The following AMOT variants were observed in gnomAD, a reference collection of about 807,000 sequenced individuals.
AMOT encodes the protein angiomotin.
A neutral mutation model predicts 67.0 loss-of-function variants in AMOT; 11 were observed. That is an observed-to-expected ratio of 0.16 (90% confidence interval 0.10 to 0.27). The LOEUF (loss-of-function observed/expected upper bound fraction) is 0.27. AMOT is among the 10% of genes least tolerant of loss of function. AMOT has a pLI of 1.00. For synonymous variants in AMOT, 326 were observed against 321.4 expected, an observed-to-expected ratio of 1.01 and a Z score of -0.15; for missense variants, 753 against 852.0, an observed-to-expected ratio of 0.88 and a Z score of 1.45.
rs1932965318 is a variant in AMOT at position 112,777,337 on chromosome X, A to G, written c.*1230T>C. The G allele has an allele frequency of 9.0e-6, 1 of 111,515 alleles. No homozygotes were observed. Among genetic ancestry groups the G allele is most frequent in the African/African-American group, 3.3e-5 (1 of 30,653 alleles). 9.2% of individuals were successfully genotyped at this position (111,515 alleles called of 1,213,427 possible). ...ATTGCCTCCTTTGATCTCTACCCACATGCACATTTCCTGCTGCTTCCCAAA... is the reference window on the plus strand; with the variant it reads ...ATTGCCTCCTTTGATCTCTACCCACGTGCACATTTCCTGCTGCTTCCCAAA... On this transcript the variant is annotated 3_prime_UTR_variant, in exon 14 of 14. Coordinates refer to ENST00000371959, the MANE Select transcript of AMOT (RefSeq NM_001113490.2).
At chrX:112,809,044 T>C (rs1415899723) in intron 7 of AMOT, among the ~76,000 whole-genome samples, 3 of 111,592 alleles carry the variant, frequency 2.7e-5, no homozygotes, top group African/African-American at 9.8e-5. Context: ...TTTGGAGACC[T>C]AGCAAAGATG....
chrX:112,778,800 CTAA>C, intron 13 of AMOT, 136 bp from the exon 14 acceptor site: 1 of 703,250 alleles, frequency 1.4e-6, no homozygotes, highest in Non-Finnish European at 2.1e-6. Flanking sequence ...TTTACTTCTG[CTAA>C]GATAATGGCC....
In AMOT at chrX:112,810,330, T is replaced by A. The variant is rs760715432; in HGVS notation, c.1538-344A>T. On this transcript the variant is annotated intron_variant, in intron 6 of 13. Transcript: ENST00000371959. ...AGTTATTATAAAGTATTTAAACTCATGTAATGTCAAAGTTGAAAGGGACAA... is the reference window on the plus strand; with the variant it reads ...AGTTATTATAAAGTATTTAAACTCAAGTAATGTCAAAGTTGAAAGGGACAA... 2.7e-5 allele frequency among the ~76,000 whole-genome samples: 3 copies of A among 112,126 alleles called. No homozygotes were observed. In the South Asian group the frequency reaches 1.1e-3, roughly 42 times the overall value.
chrX:112,784,852 T>G (rs1474251664), intron 10 of AMOT, among the ~76,000 whole-genome samples: 1 of 112,053 alleles, frequency 8.9e-6, no homozygotes, highest in Non-Finnish European at 1.9e-5. Context: ...ATACGGTTTG[T>G]CACTGGGGGA....
chrX:112,799,275 AT>A (rs770152564), intron 8 of AMOT, among the ~76,000 whole-genome samples: 22 of 112,440 alleles, frequency 2.0e-4, no homozygotes, highest in African/African-American at 7.1e-4. Flanking sequence ...ATCTGTAAAT[AT>A]TTTTAATGTT....
intron 2 of AMOT, among the ~76,000 whole-genome samples, chrX:112,827,980 TG>T (rs974860867): frequency 1.8e-5 from 2 of 111,419 alleles, no homozygotes; most frequent in Non-Finnish European, 3.8e-5. Flanking sequence ...CCCAGATAAA[TG>T]GAAGGGGGCC....
intron 1 of AMOT, among the ~76,000 whole-genome samples, chrX:112,834,142 C>G (rs183571361): frequency 2.7e-5 from 3 of 112,024 alleles, no homozygotes; most frequent in Non-Finnish European, 5.6e-5. Context: ...CAGGCCACTA[C>G]ATTTTCTGAT....
intron 2 of AMOT, among the ~76,000 whole-genome samples, chrX:112,829,011 T>C (rs2147828884): frequency 8.9e-6 from 1 of 111,970 alleles, no homozygotes; most frequent in Non-Finnish European, 1.9e-5. Context: ...GGCTAAGATG[T>C]GAGGTGGATT....
chrX:112,834,166 T>C (rs1372841870), intron 1 of AMOT, among the ~76,000 whole-genome samples: 1 of 112,052 alleles, frequency 8.9e-6, no homozygotes, highest in Non-Finnish European at 1.9e-5. Flanking sequence ...AGCAATCCCC[T>C]TCCCACAAAT....
chrX:112,837,109 T>C (rs1935150520), intron 1 of AMOT, among the ~76,000 whole-genome samples: 1 of 111,931 alleles, frequency 8.9e-6, no homozygotes, highest in African/African-American at 3.3e-5. Flanking sequence ...ATGGGGTGGA[T>C]AGTCTCATCC....
chrX:112,811,373 G>C lies in AMOT; in HGVS notation c.1413C>G (p.Arg471=). 1.7e-6 allele frequency: 2 copies of C among 1,206,584 alleles called. No individual in the cohort carries two copies. Among genetic ancestry groups the C allele is most frequent in the African/African-American group, 3.5e-5 (2 of 57,468 alleles). ...RLQKVETEIQ[R]VSEAYENLVK... ...CGAGGTTCTCATATGCCTCCGAGAC[G>C]CGCTGGATTTCTGTCTCCACCTTAA... Residue 471 remains arginine, a synonymous_variant, in exon 6 of 14, where the codon CGC becomes CGG. Coordinates refer to ENST00000371959, the MANE Select transcript of AMOT (RefSeq NM_001113490.2).
intron 1 of AMOT, among the ~76,000 whole-genome samples, chrX:112,834,214 A>G (rs1935075536): frequency 9.0e-6 from 1 of 111,654 alleles, no homozygotes; most frequent in Non-Finnish European, 1.9e-5. Context: ...CCTTTCAATT[A>G]TGTGGTTTCT....
At chrX:112,828,758 C>T (rs1427270838) in intron 2 of AMOT, among the ~76,000 whole-genome samples, 3 of 111,467 alleles carry the variant, frequency 2.7e-5, no homozygotes, top group Non-Finnish European at 5.7e-5. Context: ...AGGGCAAGAG[C>T]CCTTCCACTA....
chrX:112,809,544 G>C (rs1934290190), intron 7 of AMOT, among the ~76,000 whole-genome samples: 1 of 111,339 alleles, frequency 9.0e-6, no homozygotes, highest in African/African-American at 3.3e-5. Context: ...CTCTACCAGA[G>C]CCAACACACA....
intron 5 of AMOT, 95 bp downstream of exon 5, chrX:112,815,263 G>A: frequency 9.5e-7 from 1 of 1,047,675 alleles, no homozygotes; most frequent in Non-Finnish European, 1.3e-6. Context: ...CACAAGTAAT[G>A]CTGGGATTCA....
intron 8 of AMOT, among the ~76,000 whole-genome samples, chrX:112,803,759 G>A (rs1056822192): frequency 1.1e-4 from 12 of 112,554 alleles, no homozygotes; most frequent in African/African-American, 3.9e-4. Flanking sequence ...AGCAAGCAAT[G>A]AATGAAGGCA....
chrX:112,802,753 T>C (rs1202966192), intron 8 of AMOT, among the ~76,000 whole-genome samples: 2 of 112,384 alleles, frequency 1.8e-5, no homozygotes, highest in African/African-American at 3.2e-5. Context: ...CATACATATT[T>C]TGGGGAGGGC....
At chrX:112,792,016 A>G in intron 8 of AMOT, 35 bp from the exon 9 acceptor site, 3 of 1,203,354 alleles carry the variant, frequency 2.5e-6, no homozygotes, top group Non-Finnish European at 3.4e-6. Context: ...GCAAGGTGAA[A>G]GGAAAAACAG....
intron 2 of AMOT, among the ~76,000 whole-genome samples, chrX:112,831,356 A>G (rs1311105242): frequency 9.1e-6 from 1 of 110,095 alleles, no homozygotes; most frequent in Non-Finnish European, 1.9e-5. Context: ...TGAATTCTCT[A>G]TGATGACACT....
Sources: gnomAD v4.1 joint callset for allele counts (sites outside exome capture counted in the v4.1 genomes callset) on GRCh38, gnomAD v4.1.1 for gene constraint, MANE v1.5 for transcripts, NCBI Gene and HGNC (gene_info 2026-07-23, HGNC 2026-07-21) for gene names.